The following KIFC3 variants were observed in gnomAD, a reference collection of about 807,000 sequenced individuals.
KIFC3 encodes kinesin family member C3, also known as kinesin-like protein KIFC3.
KIFC3 carries 60 observed loss-of-function variants against 101.8 expected under a neutral mutation model. The observed-to-expected ratio is 0.59, with a 90% CI of 0.48 to 0.73. The LOEUF (loss-of-function observed/expected upper bound fraction) is 0.73. Among genes scored for constraint, KIFC3 ranks in the 30% least tolerant of loss-of-function variants. The probability of loss-of-function intolerance (pLI) is 0.00; values close to 1 mark genes in which losing one functional copy is unlikely to be tolerated. For missense variants in KIFC3, 966 were observed against 1,137.1 expected (o/e 0.85, Z 2.16); for synonymous variants, 476 against 482.7 (o/e 0.99, Z 0.18).
intron 1 of KIFC3, among the ~76,000 whole-genome samples, chr16:57,825,948 G>A (rs1285228502): frequency 6.6e-6 from 1 of 152,246 alleles, no homozygotes; most frequent in Non-Finnish European, 1.5e-5. Flanking sequence ...GTCTCCCAAA[G>A]TGCTGGGATT....
At chr16:57,812,681 G>A (rs2055117054) in intron 1 of KIFC3, among the ~76,000 whole-genome samples, 1 of 152,232 alleles carries the variant, frequency 6.6e-6, no homozygotes, top group Non-Finnish European at 1.5e-5. Context: ...ATGAGTCAGG[G>A]TGAGATGAGG....
upstream of KIFC3, among the ~76,000 whole-genome samples, chr16:57,806,474 G>A (rs1334538150): frequency 2.0e-5 from 3 of 152,114 alleles, no homozygotes; most frequent in Admixed American, 1.3e-4. Context: ...TGGCGTTCCT[G>A]TGTATACCAT....
intron 1 of KIFC3, among the ~76,000 whole-genome samples, chr16:57,829,994 A>T (rs2149292122): frequency 6.6e-6 from 1 of 152,358 alleles, no homozygotes; most frequent in South Asian, 2.1e-4. Context: ...AGGCAAGAGA[A>T]GATGACCAAG....
chr16:57,816,076 T>C (rs1271932211), intron 1 of KIFC3: 11 of 643,780 alleles, frequency 1.7e-5, no homozygotes, highest in Non-Finnish European at 2.5e-5. Context: ...GCCATCCACG[T>C]ACCCACAGGA....
chr16:57,826,174 C>T (rs11862785), intron 1 of KIFC3, among the ~76,000 whole-genome samples: 8,314 of 152,320 alleles, frequency 0.055, 365 homozygotes, highest in African/African-American at 0.11. Context: ...CCAAAATGCC[C>T]GCTTCCCCCA....
intron 1 of KIFC3, among the ~76,000 whole-genome samples, chr16:57,799,497 A>C (rs1336698811): frequency 6.6e-6 from 1 of 152,098 alleles, no homozygotes; most frequent in Non-Finnish European, 1.5e-5. Flanking sequence ...GCCCACACAC[A>C]TTCATGTTTG....
chr16:57,839,035 C>G (rs2055752574), intron 1 of KIFC3, among the ~76,000 whole-genome samples: 1 of 152,046 alleles, frequency 6.6e-6, no homozygotes, highest in South Asian at 2.1e-4. Flanking sequence ...GTTGAAGAAC[C>G]CTTATTTTGA....
chr16:57,855,111 A>ATTTC lies in KIFC3; in HGVS notation c.108+7614_108+7617dup, dbSNP rs1473731639. On this transcript the variant is annotated intron_variant, in intron 1 of 2. Coordinates refer to the KIFC3 transcript ENST00000563028. Reference sequence around the variant, plus strand: ...AAGGTGAAAGGGGTTCCCCCTCCCCATTTCTTTCTTTTTTTTTTTTTTTTT... The same window carrying ATTTC: ...AAGGTGAAAGGGGTTCCCCCTCCCCATTTCTTTCTTTCTTTTTTTTTTTTTTTTT... Among the ~76,000 whole-genome samples, 154 of 139,882 alleles carry ATTTC rather than the reference A, an allele frequency of 1.1e-3. 4 individuals are homozygous for ATTTC. Among genetic ancestry groups the ATTTC allele is most frequent in the Middle Eastern group, 7.5e-3 (2 of 266 alleles). 91.8% of individuals were successfully genotyped at this position (139,882 alleles called of 152,430 possible). A position where few individuals can be genotyped will look rare whatever the true frequency, so the allele number is the denominator to read the frequency against.
At chr16:57,813,636 T>G in intron 1 of KIFC3, 1 of 973,562 alleles carries the variant, frequency 1.0e-6, no homozygotes, top group Non-Finnish European at 1.2e-6. Flanking sequence ...TGCATGACAA[T>G]AATTAGGATT....
intron 1 of KIFC3, among the ~76,000 whole-genome samples, chr16:57,853,957 T>A (rs2056111339): frequency 6.6e-6 from 1 of 151,960 alleles, no homozygotes; most frequent in South Asian, 2.1e-4. Context: ...ATTATTATTT[T>A]TTGAGACTGG....
intron 3 of KIFC3, among the ~76,000 whole-genome samples, chr16:57,792,347 A>C (rs1208577866): frequency 6.6e-6 from 1 of 151,826 alleles, no homozygotes; most frequent in East Asian, 1.9e-4. Context: ...CCTCTGCTAG[A>C]CTCTCTTGTC....
At chr16:57,829,679 C>A (rs1555478859) in intron 1 of KIFC3, among the ~76,000 whole-genome samples, 2 of 152,206 alleles carry the variant, frequency 1.3e-5, no homozygotes, top group Admixed American at 1.3e-4. Context: ...GATCTGTTTC[C>A]CTCCCAGGGT....
chr16:57,771,166 C>T (rs2965790), intron 6 of KIFC3, 32 bp downstream of exon 6: 1,043,155 of 1,606,490 alleles, frequency 0.65, 349,788 homozygotes, highest in Non-Finnish European at 0.69. Flanking sequence ...GGGCCTTGGG[C>T]TGAGGCACAG....
intron 1 of KIFC3, among the ~76,000 whole-genome samples, chr16:57,823,270 A>G (rs984606414): frequency 1.3e-5 from 2 of 152,170 alleles, no homozygotes; most frequent in African/African-American, 4.8e-5. Flanking sequence ...TTTTAAATCA[A>G]CCTATGACCT....
Position 57,765,443 on chromosome 16 carries a change from A to C in KIFC3, c.1512+16T>G, listed in dbSNP as rs1597906525. 2 of 1,558,110 alleles carry C rather than the reference A, an allele frequency of 1.3e-6. No individual in the cohort carries two copies. The highest frequency in any genetic ancestry group is 2.7e-5 in the African/African-American group (2 of 73,802). ...CTCTCCCTTGCTTTCCCTTTCCCGC[A>C]TGGGGCCACACTCACGTCCTGCTGC... On this transcript the variant is annotated intron_variant, in intron 11 of 19. Coordinates refer to ENST00000445690, the MANE Select transcript of KIFC3 (RefSeq NM_001130100.2).
intron 2 of KIFC3, among the ~76,000 whole-genome samples, chr16:57,795,978 C>T (rs758906394): frequency 1.5e-4 from 23 of 148,906 alleles, no homozygotes; most frequent in Non-Finnish European, 2.8e-4. Flanking sequence ...ACTGCAACCT[C>T]CACCTCCCGG....
chr16:57,802,748 C>G (rs368673170), upstream of KIFC3: 636 of 743,610 alleles, frequency 8.6e-4, 9 homozygotes, highest in South Asian at 0.011. This position sits in a 1 kb window ranked among gnomAD's most constrained non-coding sequence, Gnocchi z 5.0. Flanking sequence ...CTCATGCGTT[C>G]CCTGAAGGCT....
intron 3 of KIFC3, chr16:57,788,487 G>C (rs28651239): frequency 8.6e-7 from 1 of 1,160,636 alleles, no homozygotes; most frequent in Non-Finnish European, 1.1e-6. Context: ...GGAGGACAGG[G>C]CATGGGGATA....
rs1251452376 is a variant in KIFC3 at position 57,847,268 on chromosome 16, A to AAGG, written c.108+15458_108+15460dup. Among the ~76,000 whole-genome samples the AAGG allele has an allele frequency of 2.3e-3, 133 of 58,568 alleles. 7 individuals are homozygous for AAGG. Among genetic ancestry groups the AAGG allele is most frequent in the African/African-American group, 8.1e-3 (93 of 11,420 alleles). The allele number at this position is 58,568 out of a possible 152,430, so 38.4% of individuals were successfully genotyped here. A position where few individuals can be genotyped will look rare whatever the true frequency, so the allele number is the denominator to read the frequency against. ...GAAGGAAGGAAGGAAGGAAGGAAGG[A>AAGG]AGGGAAGGGAGGGAGGGAGAGAGGG... On this transcript the variant is annotated intron_variant, in intron 1 of 2. Transcript: ENST00000563028.
Sources: allele counts gnomAD v4.1 joint callset (sites outside exome capture counted in the v4.1 genomes callset), GRCh38; gene constraint gnomAD v4.1.1; non-coding constraint Gnocchi (gnomAD v3.1); transcripts MANE v1.5; gene names NCBI Gene and HGNC (gene_info 2026-07-23, HGNC 2026-07-21).